CRYBA4: variants seen among roughly 807,000 people sequenced by gnomAD.
The protein encoded by CRYBA4 is beta-crystallin A4.
Under a neutral mutation model 31.7 loss-of-function variants are expected in CRYBA4, and 30 were observed. The observed-to-expected ratio is 0.95, with a 90% CI of 0.71 to 1.28. CRYBA4 has a LOEUF of 1.28. Among genes scored for constraint, CRYBA4 ranks in the 50% most tolerant of loss-of-function variants. CRYBA4 has a pLI of 0.00. For synonymous variants in CRYBA4, 102 were observed against 102.3 expected, an observed-to-expected ratio of 1.00 and a Z score of 0.02; for missense variants, 225 against 260.7, an observed-to-expected ratio of 0.86 and a Z score of 0.94.
chr22:26,608,232 T>C, the CRYBA4 span, among the ~76,000 whole-genome samples: 1 of 152,058 alleles, frequency 6.6e-6, no homozygotes, highest in Non-Finnish European at 1.5e-5. Context: ...TCTGAGCCTT[T>C]GTTTCTCATC....
chr22:26,617,699 C>G (rs1329902631), upstream of CRYBA4, among the ~76,000 whole-genome samples: 1 of 152,114 alleles, frequency 6.6e-6, no homozygotes, highest in Non-Finnish European at 1.5e-5. Flanking sequence ...CTCTCCCTCT[C>G]TGTTCCTCTC....
At chr22:26,622,486 C>CTCCAGGA in intron 1 of CRYBA4, 99 bp from the exon 2 acceptor site, 1 of 1,001,144 alleles carries the variant, frequency 1.0e-6, no homozygotes, top group Non-Finnish European at 1.6e-6. Context: ...CACTCCTGGA[C>CTCCAGGA]TCCCTATGTG....
intron 5 of CRYBA4, among the ~76,000 whole-genome samples, chr22:26,629,625 C>G (rs1313375075): frequency 1.3e-5 from 2 of 149,998 alleles, no homozygotes; most frequent in Non-Finnish European, 1.5e-5. Flanking sequence ...GCCTCTAGTC[C>G]CAGCCACTCG....
chr22:26,616,044 A>G, the CRYBA4 span: 6 of 949,552 alleles, frequency 6.3e-6, no homozygotes, highest in South Asian at 7.8e-5. Flanking sequence ...CGGAGGAGTA[A>G]GAGGTGAAAG....
At chr22:26,619,676 T>G (rs1441120178), upstream of CRYBA4, among the ~76,000 whole-genome samples, 2 of 152,210 alleles carry the variant, frequency 1.3e-5, no homozygotes, top group Admixed American at 1.3e-4. Context: ...CCTTGGCCTT[T>G]CATCCTGGGC....
chr22:26,603,438 G>A, the CRYBA4 span, among the ~76,000 whole-genome samples: 1 of 152,068 alleles, frequency 6.6e-6, no homozygotes, highest in Non-Finnish European at 1.5e-5. Flanking sequence ...GCTGAGGCAG[G>A]AGAGTCACTT....
the CRYBA4 span, among the ~76,000 whole-genome samples, chr22:26,592,016 C>G: frequency 6.6e-6 from 1 of 152,018 alleles, no homozygotes; most frequent in Non-Finnish European, 1.5e-5. Context: ...ATTCATGTGT[C>G]CAATAAATAG....
chr22:26,590,475 C>G, the CRYBA4 span, among the ~76,000 whole-genome samples: 1 of 152,180 alleles, frequency 6.6e-6, no homozygotes, highest in Middle Eastern at 3.2e-3. Context: ...TGTATTCGTG[C>G]TACTGTTTGT....
At chr22:26,594,728 C>T in the CRYBA4 span, among the ~76,000 whole-genome samples, 1 of 152,114 alleles carries the variant, frequency 6.6e-6, no homozygotes, top group African/African-American at 2.4e-5. Context: ...AACAAACAAA[C>T]AAAAAGCCAG....
the CRYBA4 span, among the ~76,000 whole-genome samples, chr22:26,595,268 A>T: frequency 6.6e-6 from 1 of 152,160 alleles, no homozygotes. Flanking sequence ...CAGTGATGCT[A>T]ATATGCACAT....
chr22:26,599,241 C>T, the CRYBA4 span: 123 of 538,026 alleles, frequency 2.3e-4, no homozygotes, highest in Non-Finnish European at 3.1e-4. Context: ...TTCATTTCTG[C>T]CTACACATTT....
At chr22:26,622,085 T>A (rs16982456) in intron 1 of CRYBA4, 99 bp downstream of exon 1, 1 of 513,176 alleles carries the variant, frequency 1.9e-6, no homozygotes, top group Non-Finnish European at 2.5e-6. Flanking sequence ...TGTCACTGTG[T>A]CATCCTGAAT....
At chr22:26,616,190 C>T in the CRYBA4 span, 20 of 1,614,042 alleles carry the variant, frequency 1.2e-5, no homozygotes, top group Admixed American at 1.7e-5. Flanking sequence ...GTAATAGGCA[C>T]GGTTGTTGGG....
chr22:26,592,005 C>A, the CRYBA4 span, among the ~76,000 whole-genome samples: 1 of 152,008 alleles, frequency 6.6e-6, no homozygotes, highest in Non-Finnish European at 1.5e-5. Context: ...TTCATTAATT[C>A]ATTCATGTGT....
the CRYBA4 span, chr22:26,602,143 T>A: frequency 8.1e-7 from 1 of 1,239,048 alleles, no homozygotes; most frequent in East Asian, 2.4e-5. Flanking sequence ...TGGGGGACTC[T>A]CCAGGGACCA....
the CRYBA4 span, chr22:26,612,012 A>T: frequency 8.2e-7 from 1 of 1,217,958 alleles, no homozygotes; most frequent in Non-Finnish European, 1.2e-6. Context: ...AATGGCAGCT[A>T]CTGTTGTGTG....
At chr22:26,615,481 C>T in the CRYBA4 span, among the ~76,000 whole-genome samples, 1 of 152,010 alleles carries the variant, frequency 6.6e-6, no homozygotes, top group Non-Finnish European at 1.5e-5. Flanking sequence ...GTTGTTATTG[C>T]ACAACTCAAC....
At chr22:26,616,075 A>C in the CRYBA4 span, 1 of 1,254,844 alleles carries the variant, frequency 8.0e-7, no homozygotes, top group East Asian at 2.3e-5. Context: ...GGAGGAGAAG[A>C]AGGAGGAGGA....
chr22:26,612,872 T>C, the CRYBA4 span, among the ~76,000 whole-genome samples: 323 of 152,338 alleles, frequency 2.1e-3, 1 homozygote, highest in African/African-American at 7.0e-3. Context: ...AAGCCTTCTC[T>C]GATTGCCCCT....
Sources: gnomAD v4.1 joint callset for allele counts (sites outside exome capture counted in the v4.1 genomes callset) on GRCh38, gnomAD v4.1.1 for gene constraint, MANE v1.5 for transcripts, NCBI Gene and HGNC (gene_info 2026-07-23, HGNC 2026-07-21) for gene names.